The following ERBB2 variants were observed in gnomAD, a reference collection of about 807,000 sequenced individuals.
The protein encoded by ERBB2 is receptor tyrosine-protein kinase erbB-2.
A neutral mutation model predicts 149.0 loss-of-function variants in ERBB2; 61 were observed. The ratio of observed to expected loss-of-function variants is 0.41; its 90% CI spans 0.33 to 0.51. The LOEUF (loss-of-function observed/expected upper bound fraction) is 0.51. Among genes scored for constraint, ERBB2 ranks in the 20% least tolerant of loss-of-function variants. The pLI, the probability that ERBB2 is intolerant of heterozygous loss-of-function variation, is 0.25. For synonymous variants in ERBB2, 633 were observed against 678.8 expected, an observed-to-expected ratio of 0.93 and a Z score of 1.05; for missense variants, 1,205 against 1,655.1, an observed-to-expected ratio of 0.73 and a Z score of 4.72.
At chr17:39,721,360 G>T (rs1054258378) in intron 16 of ERBB2, among the ~76,000 whole-genome samples, 3 of 150,664 alleles carry the variant, frequency 2.0e-5, no homozygotes, top group South Asian at 2.1e-4. Flanking sequence ...CTGCCTCCCA[G>T]GTTCAAGCAG....
intron 3 of ERBB2, 126 bp from the exon 4 acceptor site, chr17:39,709,192 C>A: frequency 9.1e-7 from 1 of 1,103,488 alleles, no homozygotes; most frequent in Non-Finnish European, 1.3e-6. Flanking sequence ...ATAGCTTTCT[C>A]TCCTCCCTGG....
chr17:39,715,222 C>A (rs2145626378), intron 9 of ERBB2, 64 bp from the exon 10 acceptor site: 3 of 1,378,668 alleles, frequency 2.2e-6, no homozygotes, highest in Non-Finnish European at 3.1e-6. Context: ...GCTGGCATGG[C>A]CAGTGCTGGG....
At chr17:39,693,765 A>AAT (rs2057763342), upstream of ERBB2, among the ~76,000 whole-genome samples, 1 of 143,446 alleles carries the variant, frequency 7.0e-6, no homozygotes, top group African/African-American at 2.6e-5. Context: ...CTCGAAAATA[A>AAT]AATAATAATA....
chr17:39,699,927 G>C, upstream of ERBB2: 2 of 1,031,630 alleles, frequency 1.9e-6, no homozygotes, highest in Non-Finnish European at 2.5e-6. Context: ...GCTGGGAGTT[G>C]CCACTCCCAG....
At chr17:39,695,302 G>C (rs1322041816), upstream of ERBB2, 1 of 152,276 alleles carries the variant, frequency 6.6e-6, no homozygotes, top group Non-Finnish European at 1.5e-5. Flanking sequence ...CCCAGGGTCA[G>C]AGTGTCTGGC....
intron 7 of ERBB2, among the ~76,000 whole-genome samples, chr17:39,711,345 C>T (rs1301795199): frequency 6.6e-6 from 1 of 152,136 alleles, no homozygotes; most frequent in Non-Finnish European, 1.5e-5. Flanking sequence ...GCATGCACCA[C>T]CATGGCTGGG....
chr17:39,709,783 CT>C, intron 4 of ERBB2, 29 bp from the exon 5 acceptor site: 1 of 1,599,592 alleles, frequency 6.3e-7, no homozygotes, highest in Non-Finnish European at 8.6e-7. Flanking sequence ...AGACATCTCT[CT>C]CACTGCCTGT....
At chr17:39,712,686 T>C (rs1004655697) in intron 9 of ERBB2, among the ~76,000 whole-genome samples, 1 of 152,130 alleles carries the variant, frequency 6.6e-6, no homozygotes, top group Non-Finnish European at 1.5e-5. Context: ...CTAGATAAAG[T>C]AAAATTCCCT....
At chr17:39,700,597 G>A (rs554067012) in intron 1 of ERBB2, among the ~76,000 whole-genome samples, 23 of 152,340 alleles carry the variant, frequency 1.5e-4, no homozygotes, top group Non-Finnish European at 2.6e-4. Flanking sequence ...TGTTCAGAAA[G>A]TTTTCCCGCA....
chr17:39,717,243 A>G (rs567024572), intron 14 of ERBB2, 77 bp from the exon 15 acceptor site: 2 of 1,266,310 alleles, frequency 1.6e-6, no homozygotes, highest in East Asian at 2.6e-5. Context: ...CACAAAGGGG[A>G]CCCAACTAAG....
intron 2 of ERBB2, chr17:39,707,368 CTG>C: frequency 2.4e-6 from 1 of 421,340 alleles, no homozygotes. Flanking sequence ...TGGGATGCGT[CTG>C]TGTTTCCGCT....
At chr17:39,706,598 G>A (rs901866707) in intron 1 of ERBB2, among the ~76,000 whole-genome samples, 1 of 152,156 alleles carries the variant, frequency 6.6e-6, no homozygotes, top group African/African-American at 2.4e-5. Context: ...GGGGTATCCA[G>A]AAGATTCATG....
chr17:39,689,334 C>T (rs1014531261), intron 2 of ERBB2, among the ~76,000 whole-genome samples: 8 of 152,062 alleles, frequency 5.3e-5, no homozygotes, highest in African/African-American at 1.9e-4. Flanking sequence ...AATAGTGTCC[C>T]CTGGAGTTGA....
chr17:39,699,943 T>C (rs1419926654), upstream of ERBB2: 2 of 1,149,506 alleles, frequency 1.7e-6, no homozygotes, highest in Non-Finnish European at 2.2e-6. Flanking sequence ...CCCAGACTTG[T>C]TGGAATGCAG....
chr17:39,705,264 G>A (rs554972188), intron 1 of ERBB2, among the ~76,000 whole-genome samples: 4 of 152,200 alleles, frequency 2.6e-5, no homozygotes, highest in Non-Finnish European at 5.9e-5. Context: ...AGGGCTACAG[G>A]GGGTGGAGTC....
Position 39,717,498 on chromosome 17 carries a change from T to C in ERBB2, c.1898+18T>C. 6.3e-7 allele frequency: 1 copy of C among 1,590,274 alleles called. No individual in the cohort carries two copies. The highest frequency in any genetic ancestry group is 8.6e-7 in the Non-Finnish European group (1 of 1,163,568). On this transcript the variant is annotated intron_variant, in intron 15 of 26. Coordinates refer to ENST00000269571, the MANE Select transcript of ERBB2 (RefSeq NM_004448.4). ...ACCCACTCGTGAGTCCAACGGTCTT[T>C]TCTGCAGAAAGGAGGACTTTCCTTT...
At chr17:39,695,704 T>TGCATACACACACACAC (rs2057842622), upstream of ERBB2, among the ~76,000 whole-genome samples, 1 of 96,564 alleles carries the variant, frequency 1.0e-5, no homozygotes, top group Admixed American at 1.1e-4. Context: ...GGTGCATGCA[T>TGCATACACACACACAC]ACACACACAC....
rs1207166582 is a variant in ERBB2, at chr17:39,716,420, C to G, written c.1633C>G (p.Arg545Gly). Residue 545 changes from arginine to glycine, a missense_variant, in exon 13 of 27, where the codon CGA becomes GGA. Coordinates refer to ENST00000269571, the MANE Select transcript of ERBB2 (RefSeq NM_004448.4). ...LRGQECVEEC[R>G]VLQGLPREYV... ...GGGCCAGGAGTGCGTGGAGGAATGCCGAGTACTGCAGGGGTATGAGGGGCG... is the reference window on the plus strand; with the variant it reads ...GGGCCAGGAGTGCGTGGAGGAATGCGGAGTACTGCAGGGGTATGAGGGGCG... 6.2e-7 allele frequency: 1 copy of G among 1,609,622 alleles called. No homozygotes were observed.
At chr17:39,711,161 A>G (rs1004319041) in intron 7 of ERBB2, among the ~76,000 whole-genome samples, 1 of 151,008 alleles carries the variant, frequency 6.6e-6, no homozygotes, top group Non-Finnish European at 1.5e-5. Context: ...CGGCCTCTGA[A>G]AGTGCTGGGA....
Sources: allele counts gnomAD v4.1 joint callset (sites outside exome capture counted in the v4.1 genomes callset), GRCh38; gene constraint gnomAD v4.1.1; transcripts MANE v1.5; gene names NCBI Gene and HGNC (gene_info 2026-07-23, HGNC 2026-07-21).